The following NEB variants were observed in gnomAD, a reference collection of about 807,000 sequenced individuals.
The protein encoded by NEB is nemaline myopathy type 2.
A neutral mutation model predicts 952.2 loss-of-function variants in NEB; 512 were observed. The observed-to-expected ratio is 0.54, with a 90% CI of 0.50 to 0.58. NEB has a LOEUF of 0.58. Among genes scored for constraint, NEB ranks in the 20% least tolerant of loss-of-function variants. The probability of loss-of-function intolerance (pLI) is 0.00; values close to 1 mark genes in which losing one functional copy is unlikely to be tolerated. For missense variants in NEB, 8,428 were observed against 9,231.1 expected (o/e 0.91, Z 3.56); for synonymous variants, 2,900 against 3,149.8 (o/e 0.92, Z 2.66).
chr2:151,518,545 C>G, intron 155 of NEB, 123 bp from the exon 156 acceptor site: 2 of 686,302 alleles, frequency 2.9e-6, no homozygotes, highest in Non-Finnish European at 5.2e-6. Flanking sequence ...ATGGCAAACA[C>G]TAAACAGGAG....
chr2:151,491,737 CA>C lies in NEB; in HGVS notation c.25095del (p.Phe8365LeufsTer17). ...RVWRTNPGSV[F>X]DYDPAEDNIQ... ...ATGTTGTCTTCTGCTGGATCATAGT[CA>C]AAAACCGAACCAGGATTAGTACGCC... On this transcript the variant is annotated frameshift_variant, in exon 179 of 182. Coordinates refer to ENST00000397345, the MANE Select transcript of NEB (RefSeq NM_001164508.2). LOFTEE classifies it high-confidence loss of function. The C allele has an allele frequency of 6.3e-7, 1 of 1,597,504 alleles. No homozygotes were observed. The highest frequency in any genetic ancestry group is 8.5e-7 in the Non-Finnish European group (1 of 1,171,504).
chr2:151,527,568 C>G lies in NEB; in HGVS notation c.21753G>C (p.Gln7251His). The G allele has an allele frequency of 1.9e-6, 3 of 1,612,338 alleles. No individual in the cohort carries two copies. Among genetic ancestry groups the G allele is most frequent in the Non-Finnish European group, 2.5e-6 (3 of 1,179,140 alleles). ...KVNTNLDYKK[Q>H]YEANKAHWKW... is the part of the protein sequence containing the mutation. The stretch of plus-strand genomic sequence containing the variant: ...TCCAGTGGGCTTTGTTGGCTTCGTA[C>G]TGTTTCTTATAGTCCAGCTGTTTTT... Residue 7251 changes from glutamine (Q) to histidine (H), a missense_variant, in exon 147 of 182, where the codon CAG becomes CAC. Transcript: ENST00000397345.
chr2:151,669,662 G>A (rs531732495), intron 38 of NEB, among the ~76,000 whole-genome samples: 5 of 152,178 alleles, frequency 3.3e-5, no homozygotes, highest in African/African-American at 1.2e-4. Context: ...AGACGTGGGG[G>A]TGGAGCAGTA....
chr2:151,665,205 C>T, intron 42 of NEB, 128 bp downstream of exon 42: 1 of 825,596 alleles, frequency 1.2e-6, no homozygotes, highest in Non-Finnish European at 1.9e-6. Flanking sequence ...GCAATAGAGT[C>T]CCCCTCCCAC....
intron 46 of NEB, among the ~76,000 whole-genome samples, chr2:151,660,945 T>C (rs941680299): frequency 1.3e-5 from 2 of 152,206 alleles, no homozygotes; most frequent in Non-Finnish European, 2.9e-5. Context: ...ATTAATATGA[T>C]TTATGTAAAT....
At position 151,650,846 on chromosome 2, in the gene NEB, GGTGGCCAA is replaced by G. The variant is rs1558826853; in HGVS notation, c.6947_6954del (p.Leu2316ProfsTer10). ...TCTTGCAGACTCCGGAATCCAACAT[GGTGGCCAA>G]GTTGCTTTCGGTAGCCTTGTTTGTA... is the stretch of plus-strand genomic sequence containing the variant. On this transcript the variant is annotated frameshift_variant, in exon 53 of 182. Coordinates refer to ENST00000397345, the MANE Select transcript of NEB (RefSeq NM_001164508.2). LOFTEE classifies it high-confidence loss of function. The G allele has an allele frequency of 1.1e-5, 17 of 1,613,252 alleles. No individual in the cohort carries two copies. Among genetic ancestry groups the G allele is most frequent in the Non-Finnish European group, 1.4e-5 (17 of 1,179,408 alleles).
chr2:151,731,520 G>A (rs1362798922), intron 3 of NEB, among the ~76,000 whole-genome samples: 1 of 152,198 alleles, frequency 6.6e-6, no homozygotes, highest in Non-Finnish European at 1.5e-5. Flanking sequence ...ACCCTCTTAT[G>A]CTCATGATCT....
intron 177 of NEB, 46 bp from the exon 178 acceptor site, chr2:151,492,327 A>T (rs770715674): frequency 2.5e-6 from 4 of 1,597,200 alleles, no homozygotes; most frequent in Non-Finnish European, 3.4e-6. Flanking sequence ...TGGTGTGACT[A>T]TATCCCTTTT....
intron 34 of NEB, 78 bp downstream of exon 34, chr2:151,677,487 A>T: frequency 9.0e-7 from 1 of 1,116,074 alleles, no homozygotes; most frequent in Non-Finnish European, 1.2e-6. Flanking sequence ...GCCCAGAAAA[A>T]AAATATATTG....
intron 77 of NEB, among the ~76,000 whole-genome samples, chr2:151,613,844 A>C (rs1183176090): frequency 6.6e-6 from 1 of 152,162 alleles, no homozygotes; most frequent in Non-Finnish European, 1.5e-5. Context: ...AAGTTTCCTG[A>C]GGCCTTCCCA....
rs1490048442 is a variant in NEB at position 151,713,611 on chromosome 2, G to A, written c.823-3073C>T. Among the ~76,000 whole-genome samples, 4 of 152,252 alleles carry A rather than the reference G, an allele frequency of 2.6e-5. No individual in the cohort carries two copies. The South Asian group carries it at 6.2e-4, about 24-fold the overall frequency. The stretch of plus-strand genomic sequence containing the variant: ...GAAATCTCATATTTTTTCTTTTGTG[G>A]ATCTGGAAGGGAGCAGAGAGGCAGG... On this transcript the variant is annotated intron_variant, in intron 10 of 181. Transcript: ENST00000397345.
At chr2:151,697,902 T>C (rs1332766241) in intron 13 of NEB, among the ~76,000 whole-genome samples, 1 of 152,084 alleles carries the variant, frequency 6.6e-6, no homozygotes, top group Non-Finnish European at 1.5e-5. Context: ...CTCTCTCTAC[T>C]AAAAATACAA....
chr2:151,493,821 G>A lies in NEB; in HGVS notation c.24626C>T (p.Thr8209Ile). 1 of 1,588,556 alleles carries A rather than the reference G, an allele frequency of 6.3e-7. No homozygotes were observed. Among genetic ancestry groups the A allele is most frequent in the Non-Finnish European group, 8.6e-7 (1 of 1,165,838 alleles). ...GCGTTTCACTCTTTCCATCTCAGGA[G>A]TAAAGGGTGTGGGGGTTGCTTTCCC... ...NLGKATPTPF[T>I]PEMERVKRNQ... Residue 8209 changes from threonine to isoleucine, a missense_variant, in exon 175 of 182, where the codon ACT becomes ATT. By Grantham distance (89) the Thr-to-Ile change is moderately conservative. This residue lies in a region of NEB where 3,374 missense variants were observed against 3,651.5 expected (regional missense o/e 0.92). Transcript: ENST00000397345.
rs779906186 is a variant in NEB at position 151,570,481 on chromosome 2, A to G, written c.17118+16T>C. 8.8e-6 allele frequency: 14 copies of G among 1,584,076 alleles called. No individual in the cohort carries two copies. Among genetic ancestry groups the G allele is most frequent in the Non-Finnish European group, 1.1e-5 (13 of 1,169,826 alleles). ...GCTGAAAAAAAAAAACTGAGAAGTT[A>G]AAAAAGGCCACTCACGTCACTGGCA... On this transcript the variant is annotated intron_variant, in intron 108 of 181. Transcript: ENST00000397345.
intron 10 of NEB, among the ~76,000 whole-genome samples, chr2:151,712,503 C>T (rs1356048996): frequency 2.0e-5 from 3 of 152,180 alleles, no homozygotes; most frequent in Non-Finnish European, 2.9e-5. Flanking sequence ...TTAATCTTCA[C>T]AGACCACGAC....
chr2:151,527,365 C>T (rs922062749), intron 147 of NEB, 116 bp downstream of exon 147: 8 of 881,914 alleles, frequency 9.1e-6, no homozygotes, highest in East Asian at 2.7e-5. Context: ...CTCTCCTTCT[C>T]GGATCTCAAA....
intron 12 of NEB, 115 bp from the exon 13 acceptor site, chr2:151,707,112 TTGACA>T (rs2099709663): frequency 1.5e-6 from 1 of 662,442 alleles, no homozygotes; most frequent in African/African-American, 1.9e-5. Flanking sequence ...AAATGGCAGC[TTGACA>T]TTTTATAAAC....
intron 32 of NEB, among the ~76,000 whole-genome samples, chr2:151,678,580 T>C (rs2099391040): frequency 6.6e-6 from 1 of 152,196 alleles, no homozygotes; most frequent in African/African-American, 2.4e-5. Context: ...GATATTTAAT[T>C]AGTTTTAGAA....
In NEB at chr2:151,601,589, G is replaced by A. The variant is rs377428242; in HGVS notation, c.13476+312C>T. On this transcript the variant is annotated intron_variant, in intron 88 of 181. Transcript: ENST00000397345. ...TATAGGAAACACCGGTAGTATACAC[G>A]CCACACTTTGAGTAACAACAGAATT... Among the ~76,000 whole-genome samples the A allele has an allele frequency of 2.0e-3, 174 of 85,622 alleles. 1 individual carries two copies. The East Asian group carries it at 0.031, about 15-fold the overall frequency. The allele number at this position is 85,622 out of a possible 152,430, so 56.2% of individuals were successfully genotyped here.
Sources: gnomAD v4.1 joint callset for allele counts (sites outside exome capture counted in the v4.1 genomes callset) on GRCh38, gnomAD v4.1.1 for gene constraint, gnomAD v4.1.1 regional missense constraint, MANE v1.5 for transcripts, NCBI Gene and HGNC (gene_info 2026-07-23, HGNC 2026-07-21) for gene names.